DACH1: variants seen among roughly 807,000 people sequenced by gnomAD.
DACH1 encodes the protein dachshund homolog 1.
A neutral mutation model predicts 54.2 loss-of-function variants in DACH1; 12 were observed. The ratio of observed to expected loss-of-function variants is 0.22; its 90% CI spans 0.14 to 0.36. DACH1 has a LOEUF of 0.36. Ranked by LOEUF, DACH1 falls within the 10% of genes least tolerant of loss-of-function variation. The pLI, the probability that DACH1 is intolerant of heterozygous loss-of-function variation, is 1.00. For synonymous variants in DACH1, 386 were observed against 366.2 expected, an observed-to-expected ratio of 1.05 and a Z score of -0.62; for missense variants, 805 against 929.8, an observed-to-expected ratio of 0.87 and a Z score of 1.75.
At chr13:71,688,614 A>T (rs1216364812) in intron 1 of DACH1, among the ~76,000 whole-genome samples, 1 of 152,194 alleles carries the variant, frequency 6.6e-6, no homozygotes, top group African/African-American at 2.4e-5. Flanking sequence ...GAACTAATGC[A>T]TCAAACAGAT....
At chr13:71,562,257 A>C (rs1884632464) in intron 4 of DACH1, among the ~76,000 whole-genome samples, 1 of 152,140 alleles carries the variant, frequency 6.6e-6, no homozygotes, top group Admixed American at 6.6e-5. Context: ...TTTTATGCAA[A>C]TAGCAAAACT....
chr13:71,554,024 A>G (rs1884075843), intron 6 of DACH1, among the ~76,000 whole-genome samples: 1 of 152,048 alleles, frequency 6.6e-6, no homozygotes, highest in Non-Finnish European at 1.5e-5. Context: ...AATGTAACGA[A>G]CATACAATTA....
Position 71,572,759 on chromosome 13 carries a change from A to C in DACH1, c.1299+81T>G, listed in dbSNP as rs888144856. ...ACTTAGCTTTTTAGAGTTCAGATGT[A>C]CTTATGGAATAAGAAAAATGGATTA... On this transcript the variant is annotated intron_variant, in intron 4 of 10. Coordinates refer to ENST00000613252, the MANE Select transcript of DACH1 (RefSeq NM_080759.6). 8 of 1,423,508 alleles carry C rather than the reference A, an allele frequency of 5.6e-6. No homozygotes were observed. The African/African-American group carries it at 1.2e-4, about 21-fold the overall frequency. The allele number at this position is 1,423,508 out of a possible 1,614,324, so 88.2% of individuals were successfully genotyped here. A position where few individuals can be genotyped will look rare whatever the true frequency, so the allele number is the denominator to read the frequency against.
chr13:71,543,397 T>A (rs558550869), intron 6 of DACH1, among the ~76,000 whole-genome samples: 1 of 152,128 alleles, frequency 6.6e-6, no homozygotes, highest in East Asian at 1.9e-4. Flanking sequence ...ATTTAGATGA[T>A]TAAAACAAAT....
intron 1 of DACH1, among the ~76,000 whole-genome samples, chr13:71,855,745 T>C (rs1192287209): frequency 6.6e-6 from 1 of 151,962 alleles, no homozygotes; most frequent in East Asian, 1.9e-4. Context: ...AAAGCAAAAT[T>C]AGATACATAA....
At chr13:71,707,176 A>AT (rs1482422889) in intron 1 of DACH1, among the ~76,000 whole-genome samples, 1 of 152,192 alleles carries the variant, frequency 6.6e-6, no homozygotes, top group Admixed American at 6.5e-5. Context: ...ATACATACAC[A>AT]TGCAGTAAGC....
rs113359076 is a variant in DACH1 at position 71,824,450 on chromosome 13, T to C, written c.848+41472A>G. On this transcript the variant is annotated intron_variant, in intron 1 of 10. Coordinates refer to ENST00000613252, the MANE Select transcript of DACH1 (RefSeq NM_080759.6). ...CTGAATGTCACATAAACATGATAAGTAAGAAAAAGAAACATTCTTGCCAGA... is the reference window on the plus strand; with the variant it reads ...CTGAATGTCACATAAACATGATAAGCAAGAAAAAGAAACATTCTTGCCAGA... Among the ~76,000 whole-genome samples, 872 of 151,964 alleles carry C rather than the reference T, an allele frequency of 5.7e-3. 5 individuals carry two copies. The highest frequency in any genetic ancestry group is 0.02 in the African/African-American group (836 of 41,506).
intron 6 of DACH1, among the ~76,000 whole-genome samples, chr13:71,526,920 C>G (rs1882008431): frequency 1.3e-5 from 2 of 151,644 alleles, no homozygotes; most frequent in Non-Finnish European, 2.9e-5. Context: ...GTGCCCTAGG[C>G]TCAGTTCTTC....
At chr13:71,839,094 A>G (rs1166370728) in intron 1 of DACH1, among the ~76,000 whole-genome samples, 2 of 152,186 alleles carry the variant, frequency 1.3e-5, no homozygotes, top group Non-Finnish European at 2.9e-5. Context: ...TCTATGTTTG[A>G]CTTCCATTTA....
At chr13:71,831,676 T>A (rs1164316881) in intron 1 of DACH1, among the ~76,000 whole-genome samples, 3 of 152,010 alleles carry the variant, frequency 2.0e-5, no homozygotes, top group African/African-American at 7.2e-5. Context: ...TGCTCCCAAA[T>A]GTTCAGTTTA....
chr13:71,724,070 C>T (rs1883362666), intron 1 of DACH1, among the ~76,000 whole-genome samples: 1 of 152,136 alleles, frequency 6.6e-6, no homozygotes, highest in Non-Finnish European at 1.5e-5. Flanking sequence ...CTGAAAAGCC[C>T]TCTCAGTATT....
intron 1 of DACH1, among the ~76,000 whole-genome samples, chr13:71,843,771 C>T (rs543534546): frequency 5.3e-5 from 8 of 152,274 alleles, no homozygotes; most frequent in South Asian, 2.1e-4. Context: ...CAACACTCTT[C>T]GTTGTACATT....
chr13:71,817,048 C>T (rs1477133978), intron 1 of DACH1, among the ~76,000 whole-genome samples: 2 of 151,816 alleles, frequency 1.3e-5, no homozygotes, highest in Admixed American at 1.3e-4. Flanking sequence ...CGCTTGTACC[C>T]CTGAATTTAG....
At chr13:71,806,291 G>A (rs1225106830) in intron 1 of DACH1, among the ~76,000 whole-genome samples, 1 of 152,120 alleles carries the variant, frequency 6.6e-6, no homozygotes, top group Non-Finnish European at 1.5e-5. Context: ...AATCAAGAGT[G>A]TTTTGCTGAG....
At chr13:71,841,664 T>C (rs770035685) in intron 1 of DACH1, among the ~76,000 whole-genome samples, 10 of 152,136 alleles carry the variant, frequency 6.6e-5, no homozygotes, top group Non-Finnish European at 1.3e-4. Context: ...ACACTAGAGA[T>C]AAACAAATAT....
intron 1 of DACH1, among the ~76,000 whole-genome samples, chr13:71,770,756 T>C (rs933527943): frequency 1.3e-5 from 2 of 151,598 alleles, no homozygotes; most frequent in African/African-American, 4.8e-5. Context: ...TAACTAAATC[T>C]AGTAAATTCC....
intron 10 of DACH1, among the ~76,000 whole-genome samples, chr13:71,448,776 A>C (rs991253118): frequency 2.0e-5 from 3 of 152,122 alleles, no homozygotes; most frequent in African/African-American, 7.2e-5. Flanking sequence ...AGCTGTGTTT[A>C]AATATAATTA....
At chr13:71,509,913 AT>A (rs977300689) in intron 6 of DACH1, among the ~76,000 whole-genome samples, 32 of 152,138 alleles carry the variant, frequency 2.1e-4, no homozygotes, top group African/African-American at 7.2e-4. Context: ...TTTCCTCACA[AT>A]TTAATCTTGA....
chr13:71,634,548 C>T lies in DACH1; in HGVS notation c.965-3831G>A, dbSNP rs560989216. ...TGTCCTGGCCCCGGACTTGCCTATG[C>T]CTTCTTCATGTCATCACTTAAATAT... On this transcript the variant is annotated intron_variant, in intron 2 of 10. Transcript: ENST00000613252. 9.2e-5 allele frequency among the ~76,000 whole-genome samples: 14 copies of T among 152,282 alleles called. No homozygotes were observed. The South Asian group carries it at 1.0e-3, about 11-fold the overall frequency.
Sources: gnomAD v4.1 joint callset for allele counts (sites outside exome capture counted in the v4.1 genomes callset) on GRCh38, gnomAD v4.1.1 for gene constraint, MANE v1.5 for transcripts, NCBI Gene and HGNC (gene_info 2026-07-23, HGNC 2026-07-21) for gene names.